The following HACL1 variants were observed in gnomAD, a reference collection of about 807,000 sequenced individuals.
The protein encoded by HACL1 is 1600020H07Rik.
A neutral mutation model predicts 74.2 loss-of-function variants in HACL1; 64 were observed. The observed-to-expected ratio is 0.86, with a 90% confidence interval of 0.70 to 1.06. The LOEUF (loss-of-function observed/expected upper bound fraction) is 1.06, where lower values mean the gene tolerates loss of function less well. Among genes scored for constraint, HACL1 ranks in the 50% least tolerant of loss-of-function variants. The probability of loss-of-function intolerance (pLI) is 0.00; values close to 1 mark genes in which losing one functional copy is unlikely to be tolerated. For synonymous variants in HACL1, 230 were observed against 238.8 expected (o/e 0.96, Z 0.34); for missense variants, 728 against 719.7 (o/e 1.01, Z -0.13).
chr3:15,570,981 T>C (rs185042399), intron 12 of HACL1, among the ~76,000 whole-genome samples: 11 of 151,816 alleles, frequency 7.2e-5, no homozygotes, highest in Admixed American at 5.9e-4. Flanking sequence ...TAATAGTTAA[T>C]TTGTTTTTCT....
In HACL1 at chr3:15,575,063, C is replaced by T. The variant is rs1559551867; in HGVS notation, c.823G>A (p.Val275Ile). Residue 275 changes from valine to isoleucine, a missense_variant, in exon 10 of 17, where the codon GTA becomes ATA. Transcript: ENST00000321169. ...AGTCTGGCACCAAATAACACAATTA[C>T]ATCAGCAAATTGCAAAGCCCTATTA... ...ARSRALQFAD[V>I]IVLFGARLNW... 2.5e-6 allele frequency: 4 copies of T among 1,575,788 alleles called. No individual in the cohort carries two copies. Among genetic ancestry groups the T allele is most frequent in the Non-Finnish European group, 3.5e-6 (4 of 1,146,972 alleles).
chr3:15,594,674 G>A (rs1460550799), intron 3 of HACL1, among the ~76,000 whole-genome samples: 1 of 152,182 alleles, frequency 6.6e-6, no homozygotes, highest in Non-Finnish European at 1.5e-5. Flanking sequence ...TACTGACATG[G>A]TTACTGAGCA....
At chr3:15,581,590 T>C (rs1315552378) in intron 8 of HACL1, among the ~76,000 whole-genome samples, 1 of 152,218 alleles carries the variant, frequency 6.6e-6, no homozygotes, top group East Asian at 1.9e-4. Flanking sequence ...TTGCCTTTGG[T>C]CTCTGTCCAC....
chr3:15,568,084 T>C, intron 13 of HACL1, 82 bp from the exon 14 acceptor site: 2 of 1,129,674 alleles, frequency 1.8e-6, no homozygotes, highest in Non-Finnish European at 2.6e-6. Flanking sequence ...TAGTCATATT[T>C]ACATGGTTGA....
At chr3:15,587,386 T>G (rs1401621717) in intron 5 of HACL1, among the ~76,000 whole-genome samples, 1 of 148,110 alleles carries the variant, frequency 6.8e-6, no homozygotes, top group Non-Finnish European at 1.5e-5. Flanking sequence ...AGAAACTGTT[T>G]CTCTTGATGT....
chr3:15,597,679 C>T (rs889611891), intron 2 of HACL1, among the ~76,000 whole-genome samples: 4 of 130,588 alleles, frequency 3.1e-5, no homozygotes, highest in African/African-American at 1.1e-4. Context: ...TTAACTGGCT[C>T]TACTATCATA....
intron 5 of HACL1, among the ~76,000 whole-genome samples, chr3:15,588,606 AAAAGAAAG>A (rs200109229): frequency 6.6e-6 from 1 of 152,142 alleles, no homozygotes; most frequent in Non-Finnish European, 1.5e-5. Context: ...AAAGAAAAAA[AAAAGAAAG>A]AAAGAAAGAC....
chr3:15,567,835 A>C lies in HACL1; in HGVS notation c.1409+9T>G. ...GAATCAAATGCTCTGATTCAGGATG[A>C]TGTTTTACCTGCAGATGGTTTCTAC... On this transcript the variant is annotated intron_variant, in intron 14 of 16. Transcript: ENST00000321169. The C allele has an allele frequency of 3.1e-6, 5 of 1,610,408 alleles. No individual in the cohort carries two copies. Among genetic ancestry groups the C allele is most frequent in the Non-Finnish European group, 4.2e-6 (5 of 1,176,584 alleles).
Position 15,563,450 on chromosome 3 carries a change from GTTC to G in HACL1, c.1609_1611del (p.Glu537del), listed in dbSNP as rs2063380480. The G allele has an allele frequency of 1.9e-6, 3 of 1,610,732 alleles. No individual in the cohort carries two copies. In the East Asian group the frequency reaches 6.7e-5, roughly 36 times the overall value. ...AGGCTCTGCCTCAGGGATTTTTGGA[GTTC>G]TTCTGGTGTTTGTACAAAATACCCT... On this transcript the variant is annotated inframe_deletion, in exon 16 of 17. Coordinates refer to ENST00000321169, the MANE Select transcript of HACL1 (RefSeq NM_012260.4).
chr3:15,591,332 A>G (rs1279323241), intron 4 of HACL1, among the ~76,000 whole-genome samples: 3 of 152,124 alleles, frequency 2.0e-5, no homozygotes, highest in South Asian at 2.1e-4. Flanking sequence ...ACAATACACA[A>G]TATTATTAAC....
At chr3:15,591,879 CAT>C (rs1305304843) in intron 3 of HACL1, among the ~76,000 whole-genome samples, 199 bp from the exon 4 acceptor site, 4 of 150,134 alleles carry the variant, frequency 2.7e-5, no homozygotes, top group African/African-American at 4.9e-5. Context: ...TACATACACA[CAT>C]ATACGTATAT....
chr3:15,569,754 A>G (rs982535603), intron 12 of HACL1, among the ~76,000 whole-genome samples: 6 of 151,572 alleles, frequency 4.0e-5, no homozygotes, highest in African/African-American at 4.8e-5. Flanking sequence ...CAGGAGGCGG[A>G]GGTTGCGGTG....
At position 15,586,575 on chromosome 3, in the gene HACL1, A is replaced by T. The variant is rs780620802; in HGVS notation, c.409T>A (p.Phe137Ile). ...TCTATGCTGCTTGGGCGGGCAGAGA[A>T]CTTGGTATATAATCTACAAGCTTCA... ...QVEACRLYTKFSARPSSIEAI... is the reference protein window; with the variant it reads ...QVEACRLYTKISARPSSIEAI... The change falls in exon 6 of 17, where the codon TTC (phenylalanine) becomes ATC (isoleucine). Residue 137 changes from phenylalanine to isoleucine, a missense_variant. Physicochemically the swap from Phe to Ile is conservative, Grantham distance 21. Coordinates refer to ENST00000321169, the MANE Select transcript of HACL1 (RefSeq NM_012260.4). 1 of 1,599,212 alleles carries T rather than the reference A, an allele frequency of 6.3e-7. No homozygotes were observed. The highest frequency in any genetic ancestry group is 1.7e-5 in the Admixed American group (1 of 59,652).
At chr3:15,578,040 G>A (rs1212674692) in intron 9 of HACL1, among the ~76,000 whole-genome samples, 1 of 142,270 alleles carries the variant, frequency 7.0e-6, no homozygotes, top group African/African-American at 2.6e-5. Flanking sequence ...AGAGCTTGCA[G>A]TGAACCAAGA....
intron 9 of HACL1, among the ~76,000 whole-genome samples, chr3:15,578,610 TG>T (rs1354741684): frequency 3.3e-5 from 5 of 152,060 alleles, no homozygotes; most frequent in Non-Finnish European, 7.4e-5. Flanking sequence ...CTGGAGAGTA[TG>T]GGGGGAAATG....
Position 15,567,982 on chromosome 3 carries a change from C to A in HACL1, c.1271G>T (p.Gly424Val), listed in dbSNP as rs758061010. Reference sequence around the variant, plus strand: ...AAATCCCAAACCAACTCCCATTGTTCCGAAAGTACCAGCATCAAGCCTGTT... The same window carrying A: ...AAATCCCAAACCAACTCCCATTGTTACGAAAGTACCAGCATCAAGCCTGTT... The part of the protein sequence containing the change: ...PRHRLDAGTF[G>V]TMGVGLGFAI... The change falls in exon 14 of 17, where the codon GGA becomes GTA. Residue 424 changes from glycine to valine, a missense_variant. Coordinates refer to ENST00000321169, the MANE Select transcript of HACL1 (RefSeq NM_012260.4). 5 of 1,614,126 alleles carry A rather than the reference C, an allele frequency of 3.1e-6. No individual in the cohort carries two copies. The highest frequency in any genetic ancestry group is 1.1e-5 in the South Asian group (1 of 91,082).
chr3:15,599,053 T>C (rs1363170474), intron 2 of HACL1, among the ~76,000 whole-genome samples: 1 of 152,256 alleles, frequency 6.6e-6, no homozygotes, highest in Non-Finnish European at 1.5e-5. Flanking sequence ...TAATGCCTGC[T>C]TATCCTTCAG....
chr3:15,577,636 C>T (rs1559553049), intron 9 of HACL1, among the ~76,000 whole-genome samples: 1 of 151,894 alleles, frequency 6.6e-6, no homozygotes. Flanking sequence ...ACAAAAAATA[C>T]AAAAATTAGC....
intron 3 of HACL1, among the ~76,000 whole-genome samples, chr3:15,592,522 ATATACACATG>A (rs1450688560): frequency 0.011 from 1,617 of 148,744 alleles, 1 homozygote; most frequent in Non-Finnish European, 0.017. Flanking sequence ...ACTTGTATAC[ATATACACATG>A]TATACACATG....
Sources: gnomAD v4.1 joint callset for allele counts (sites outside exome capture counted in the v4.1 genomes callset) on GRCh38, gnomAD v4.1.1 for gene constraint, MANE v1.5 for transcripts, NCBI Gene and HGNC (gene_info 2026-07-23, HGNC 2026-07-21) for gene names.